Variants in DLGAP2 observed in about 807,000 individuals in gnomAD.
DLGAP2 encodes DLG associated protein 2.
A neutral mutation model predicts 100.3 loss-of-function variants in DLGAP2; 26 were observed. That is an observed-to-expected ratio of 0.26 (90% confidence interval 0.19 to 0.36). The LOEUF (loss-of-function observed/expected upper bound fraction) is 0.36. Among genes scored for constraint, DLGAP2 ranks in the 10% least tolerant of loss-of-function variants. The pLI, the probability that DLGAP2 is intolerant of heterozygous loss-of-function variation, is 1.00. For missense variants in DLGAP2, 1,858 were observed against 1,453.2 expected, an observed-to-expected ratio of 1.28 and a Z score of -4.53; for synonymous variants, 886 against 630.1, an observed-to-expected ratio of 1.41 and a Z score of -6.08.
intron 1 of DLGAP2, among the ~76,000 whole-genome samples, chr8:807,939 G>T (rs115254762): frequency 2.0e-5 from 3 of 152,158 alleles, no homozygotes; most frequent in Admixed American, 1.3e-4. Context: ...ACCGGGTCTT[G>T]TGATAAGATG....
chr8:1,546,032 T>C (rs932142170), intron 4 of DLGAP2, among the ~76,000 whole-genome samples: 1 of 152,256 alleles, frequency 6.6e-6, no homozygotes, highest in African/African-American at 2.4e-5. Context: ...CACATAGTTT[T>C]GCTATTTAGC....
chr8:789,928 C>G (rs1212802238), intron 1 of DLGAP2, among the ~76,000 whole-genome samples: 1 of 152,184 alleles, frequency 6.6e-6, no homozygotes, highest in African/African-American at 2.4e-5. Context: ...ACCCCTGACC[C>G]ACTGTGCTTA....
intron 3 of DLGAP2, among the ~76,000 whole-genome samples, chr8:1,485,372 T>C (rs1799211455): frequency 6.6e-6 from 1 of 152,162 alleles, no homozygotes; most frequent in Non-Finnish European, 1.5e-5. Context: ...AGAAAATGTT[T>C]TTAAGAGCGT....
intron 7 of DLGAP2, among the ~76,000 whole-genome samples, chr8:1,631,063 G>A (rs2130778106): frequency 6.6e-6 from 1 of 152,052 alleles, no homozygotes; most frequent in South Asian, 2.1e-4. Context: ...CAAGGGTCTG[G>A]GCGGGAGGTC....
chr8:1,240,351 C>T (rs1409914438), intron 2 of DLGAP2, among the ~76,000 whole-genome samples: 2 of 140,866 alleles, frequency 1.4e-5, no homozygotes, highest in South Asian at 2.3e-4. Context: ...AACGTCATGT[C>T]TAGTTCTGTC....
intron 2 of DLGAP2, among the ~76,000 whole-genome samples, chr8:971,340 A>G (rs1420991506): frequency 6.6e-6 from 1 of 152,302 alleles, no homozygotes; most frequent in East Asian, 1.9e-4. Context: ...TATCCTCCTC[A>G]CAAGAGAAGT....
chr8:892,400 G>T (rs1798054027), intron 1 of DLGAP2, among the ~76,000 whole-genome samples: 2 of 152,164 alleles, frequency 1.3e-5, no homozygotes. Context: ...GAGGCTATGG[G>T]GTGGATGAAC....
intron 1 of DLGAP2, among the ~76,000 whole-genome samples, chr8:904,350 T>C (rs1200652149): frequency 1.3e-5 from 2 of 152,088 alleles, no homozygotes; most frequent in Non-Finnish European, 2.9e-5. Flanking sequence ...CAAAACCCAA[T>C]CTCTACTAAA....
intron 3 of DLGAP2, among the ~76,000 whole-genome samples, chr8:1,488,931 C>G (rs887388592): frequency 2.0e-5 from 3 of 152,176 alleles, no homozygotes; most frequent in Admixed American, 6.5e-5. Context: ...ATCCCCACAG[C>G]TACCATTTCA....
chr8:1,435,852 C>T (rs1230149419), intron 3 of DLGAP2, among the ~76,000 whole-genome samples: 1 of 151,440 alleles, frequency 6.6e-6, no homozygotes, highest in Non-Finnish European at 1.5e-5. Flanking sequence ...GTTTTTGGGT[C>T]TTAGTGCTTA....
At chr8:1,109,958 G>T (rs1197849170) in intron 2 of DLGAP2, among the ~76,000 whole-genome samples, 1 of 83,608 alleles carries the variant, frequency 1.2e-5, no homozygotes, top group African/African-American at 5.4e-5. Context: ...GTGACGTGCT[G>T]GGTCTGTGAG....
intron 10 of DLGAP2, among the ~76,000 whole-genome samples, chr8:1,671,514 C>T (rs544222850): frequency 2.0e-5 from 3 of 152,356 alleles, no homozygotes; most frequent in East Asian, 3.9e-4. Flanking sequence ...GAGACAGCTC[C>T]AGGAGGGTCC....
At chr8:1,071,872 C>A (rs764645822) in intron 2 of DLGAP2, among the ~76,000 whole-genome samples, 2 of 152,218 alleles carry the variant, frequency 1.3e-5, no homozygotes, top group African/African-American at 4.8e-5. Flanking sequence ...TGACCTGGCC[C>A]TGCAAGCTGC....
intron 2 of DLGAP2, among the ~76,000 whole-genome samples, chr8:1,200,194 C>T (rs1044295150): frequency 6.6e-6 from 1 of 152,216 alleles, no homozygotes; most frequent in Non-Finnish European, 1.5e-5. Flanking sequence ...CCCCACCGTG[C>T]AGCACCGGGT....
intron 2 of DLGAP2, among the ~76,000 whole-genome samples, chr8:1,152,599 G>GC (rs72577737): frequency 2.4e-4 from 36 of 152,034 alleles, no homozygotes; most frequent in Non-Finnish European, 4.4e-4. Context: ...TGTCATGGGG[G>GC]GCCCAGCAGG....
At chr8:1,466,769 T>G (rs1314494303) in intron 3 of DLGAP2, among the ~76,000 whole-genome samples, 1 of 152,026 alleles carries the variant, frequency 6.6e-6, no homozygotes, top group Non-Finnish European at 1.5e-5. Context: ...GATAGTGGTG[T>G]GATGTGGTTG....
At chr8:1,328,690 C>T (rs535723433) in intron 3 of DLGAP2, among the ~76,000 whole-genome samples, 1 of 152,136 alleles carries the variant, frequency 6.6e-6, no homozygotes, top group Non-Finnish European at 1.5e-5. Flanking sequence ...CGTCATTATT[C>T]ATTCTTTTTA....
chr8:1,510,749 C>T (rs887340605), intron 4 of DLGAP2, among the ~76,000 whole-genome samples: 1 of 152,152 alleles, frequency 6.6e-6, no homozygotes, highest in Admixed American at 6.5e-5. Flanking sequence ...CCCTGTAGGA[C>T]CTTTTGAGTA....
chr8:798,283 T>G (rs1055575926), intron 1 of DLGAP2, among the ~76,000 whole-genome samples: 13 of 149,154 alleles, frequency 8.7e-5, no homozygotes, highest in Non-Finnish European at 6.0e-5. Context: ...TGCAGCCCCG[T>G]GCCCCGGCGC....
Sources: gnomAD v4.1 joint callset for allele counts (sites outside exome capture counted in the v4.1 genomes callset) on GRCh38, gnomAD v4.1.1 for gene constraint, MANE v1.5 for transcripts, NCBI Gene and HGNC (gene_info 2026-07-23, HGNC 2026-07-21) for gene names.